HSD17B11: variants seen among roughly 807,000 people sequenced by gnomAD.
HSD17B11 encodes hydroxysteroid 17-beta dehydrogenase 11, also known as estradiol 17-beta-dehydrogenase 11.
A neutral mutation model predicts 27.8 loss-of-function variants in HSD17B11; 22 were observed. The observed-to-expected ratio is 0.79, with a 90% CI of 0.56 to 1.13. The LOEUF is 1.13. HSD17B11 is among the 50% of genes most tolerant of loss of function. The pLI is 0.00. For synonymous variants in HSD17B11, 117 were observed against 132.8 expected (o/e 0.88, Z 0.82); for missense variants, 314 against 351.1 (o/e 0.89, Z 0.84).
chr4:87,372,700 T>C lies in HSD17B11; in HGVS notation c.557+9A>G, dbSNP rs1735743330. 6.5e-7 allele frequency: 1 copy of C among 1,548,504 alleles called. No individual in the cohort carries two copies. Among genetic ancestry groups the C allele is most frequent in the East Asian group, 2.2e-5 (1 of 44,670 alleles). On this transcript the variant is annotated intron_variant, in intron 4 of 6. Coordinates refer to ENST00000358290, the MANE Select transcript of HSD17B11 (RefSeq NM_016245.5). Reference sequence around the variant, plus strand: ...TAAGAACCAATGAAGGAAACACATGTTCACATACCAGTAAGCCAGTAAGAA... The same window carrying C: ...TAAGAACCAATGAAGGAAACACATGCTCACATACCAGTAAGCCAGTAAGAA...
rs914448507 is a variant in HSD17B11 at position 87,340,470 on chromosome 4, G to T, written c.812+20C>A. 6 of 1,447,664 alleles carry T rather than the reference G, an allele frequency of 4.1e-6. No individual in the cohort carries two copies. Among genetic ancestry groups the T allele is most frequent in the Non-Finnish European group, 5.7e-6 (6 of 1,047,962 alleles). 89.7% of individuals were successfully genotyped at this position (1,447,664 alleles called of 1,614,324 possible). ...TGTTATTTTACCTTTCATTTCTAAG[G>T]TTTCTTAACTGTCACTTACCTTTCC... On this transcript the variant is annotated intron_variant, in intron 6 of 6. Transcript: ENST00000358290.
intron 1 of HSD17B11, among the ~76,000 whole-genome samples, chr4:87,385,495 GA>G (rs1720286359): frequency 1.3e-5 from 2 of 152,058 alleles, no homozygotes; most frequent in Admixed American, 1.3e-4. Context: ...AATTTCTGGA[GA>G]GAAATAGAAG....
intron 2 of HSD17B11, among the ~76,000 whole-genome samples, chr4:87,379,721 T>C (rs1720079254): frequency 6.9e-6 from 1 of 144,392 alleles, no homozygotes; most frequent in Non-Finnish European, 1.5e-5. Context: ...TATATAATAA[T>C]AGTATATACT....
chr4:87,363,700 A>G (rs1476048809), intron 4 of HSD17B11, among the ~76,000 whole-genome samples: 1 of 152,200 alleles, frequency 6.6e-6, no homozygotes, highest in Non-Finnish European at 1.5e-5. Context: ...TGCAAGCTCA[A>G]AATTAACTAA....
At chr4:87,369,309 T>G (rs980608921) in intron 4 of HSD17B11, among the ~76,000 whole-genome samples, 4 of 152,196 alleles carry the variant, frequency 2.6e-5, no homozygotes, top group Admixed American at 6.5e-5. Flanking sequence ...AGTGAGTAGA[T>G]TTTTGCCCCC....
chr4:87,378,913 TATATAAATATATATAAATATA>T (rs1720032408), intron 2 of HSD17B11, among the ~76,000 whole-genome samples: 2 of 13,844 alleles, frequency 1.4e-4, no homozygotes, highest in Non-Finnish European at 2.2e-4. Context: ...TAAATATATA[TATATAAATATATATAAATATA>T]TATATATATA....
intron 2 of HSD17B11, among the ~76,000 whole-genome samples, chr4:87,379,542 TATATAC>T (rs1720071475): frequency 6.8e-6 from 1 of 146,610 alleles, no homozygotes; most frequent in South Asian, 2.1e-4. Flanking sequence ...TATACAGCAT[TATATAC>T]ATATACATCT....
At chr4:87,389,516 A>T (rs1001336490) in intron 1 of HSD17B11, among the ~76,000 whole-genome samples, 1 of 152,154 alleles carries the variant, frequency 6.6e-6, no homozygotes, top group Non-Finnish European at 1.5e-5. Flanking sequence ...GAGCCACCGC[A>T]TCCAGCCTGC....
At chr4:87,375,467 T>G (rs1265841997) in intron 2 of HSD17B11, among the ~76,000 whole-genome samples, 1 of 152,152 alleles carries the variant, frequency 6.6e-6, no homozygotes, top group African/African-American at 2.4e-5. Context: ...TTAGGCTGGG[T>G]GCGGTGGCTC....
In HSD17B11 at chr4:87,378,923, TATATAA is replaced by T. The variant is rs1193872743; in HGVS notation, c.318+3326_318+3331del. Among the ~76,000 whole-genome samples the T allele has an allele frequency of 4.6e-3, 57 of 12,416 alleles. 1 individual carries two copies. Among genetic ancestry groups the T allele is most frequent in the East Asian group, 0.033 (14 of 418 alleles). The allele number at this position is 12,416 out of a possible 152,430, so 8.1% of individuals were successfully genotyped here. A position where few individuals can be genotyped will look rare whatever the true frequency, so the allele number is the denominator to read the frequency against. Reference sequence around the variant, plus strand: ...ATATATAAATATATATATATAAATATATATAAATATATATATATATATATTTATATA... The same window carrying T: ...ATATATAAATATATATATATAAATATATATATATATATATATATTTATATA... On this transcript the variant is annotated intron_variant, in intron 2 of 6. Transcript: ENST00000358290.
At position 87,379,853 on chromosome 4, in the gene HSD17B11, TATGTA is replaced by T. The variant is rs1560770160; in HGVS notation, c.318+2397_318+2401del. Among the ~76,000 whole-genome samples, 673 of 144,364 alleles carry T rather than the reference TATGTA, an allele frequency of 4.7e-3. 5 individuals carry two copies. The highest frequency in any genetic ancestry group is 0.016 in the African/African-American group (629 of 39,364). The allele number at this position is 144,364 out of a possible 152,430, so 94.7% of individuals were successfully genotyped here. A position where few individuals can be genotyped will look rare whatever the true frequency, so the allele number is the denominator to read the frequency against. ...TATGTATTATACTATTATATATGTA[TATGTA>T]TATGTATTATACTATTAATTATTAT... is the stretch of plus-strand genomic sequence containing the variant. On this transcript the variant is annotated intron_variant, in intron 2 of 6. Coordinates refer to ENST00000358290, the MANE Select transcript of HSD17B11 (RefSeq NM_016245.5).
chr4:87,357,381 G>A lies in HSD17B11; in HGVS notation c.593C>T (p.Thr198Ile). 1 of 1,613,560 alleles carries A rather than the reference G, an allele frequency of 6.2e-7. No individual in the cohort carries two copies. The highest frequency in any genetic ancestry group is 8.5e-7 in the Non-Finnish European group (1 of 1,179,830). ...TAAGGCAGCCAGTTCATCTGTCAAA[G>A]TTTTATGAAATCCAACAGCAGCAAA... ...SKFAAVGFHK[T>I]LTDELAALQI... The change falls in exon 5 of 7, where the codon ACT becomes ATT. Residue 198 changes from threonine (T) to isoleucine (I), a missense_variant. Transcript: ENST00000358290.
intron 5 of HSD17B11, among the ~76,000 whole-genome samples, chr4:87,344,224 C>A (rs1735225297): frequency 6.6e-6 from 1 of 152,142 alleles, no homozygotes; most frequent in Admixed American, 6.6e-5. Flanking sequence ...CTGTGACACA[C>A]ACATACAAAC....
chr4:87,391,132 T>G lies in HSD17B11; in HGVS notation c.-62A>C. On this transcript the variant is annotated 5_prime_UTR_variant, in exon 1 of 7. Transcript: ENST00000358290. ...TTTTTTTTACCACTCTAAACTGCTT[T>G]TAGAGGGTAGCTCGATCTAACACCA... 7.8e-7 allele frequency: 1 copy of G among 1,285,292 alleles called. No individual in the cohort carries two copies. The allele number at this position is 1,285,292 out of a possible 1,614,324, so 79.6% of individuals were successfully genotyped here.
chr4:87,371,184 AAAT>A (rs1257189160), intron 4 of HSD17B11, among the ~76,000 whole-genome samples: 1 of 152,172 alleles, frequency 6.6e-6, no homozygotes, highest in Non-Finnish European at 1.5e-5. Flanking sequence ...TGTCATTCGT[AAAT>A]AATATTTTTA....
At chr4:87,358,446 G>C (rs1380378415) in intron 4 of HSD17B11, among the ~76,000 whole-genome samples, 3 of 152,062 alleles carry the variant, frequency 2.0e-5, no homozygotes, top group Non-Finnish European at 4.4e-5. Flanking sequence ...TTTGGAAGTA[G>C]TAGTGAAATT....
chr4:87,369,246 A>G (rs1735664768), intron 4 of HSD17B11, among the ~76,000 whole-genome samples: 1 of 152,184 alleles, frequency 6.6e-6, no homozygotes, highest in African/African-American at 2.4e-5. Flanking sequence ...CATATTTTTC[A>G]ACTTTATGGT....
At chr4:87,347,407 G>C (rs1578034942) in intron 5 of HSD17B11, among the ~76,000 whole-genome samples, 1 of 11,876 alleles carries the variant, frequency 8.4e-5, no homozygotes, top group Non-Finnish European at 1.6e-4. Flanking sequence ...AGTTTACTGA[G>C]AATGATGGTT....
chr4:87,375,843 CTG>C (rs1459716102), intron 2 of HSD17B11, among the ~76,000 whole-genome samples: 15 of 140,832 alleles, frequency 1.1e-4, no homozygotes, highest in African/African-American at 3.8e-4. Context: ...CTATTTATTT[CTG>C]TTTATTTTCT....
Sources: allele counts gnomAD v4.1 joint callset (sites outside exome capture counted in the v4.1 genomes callset), GRCh38; gene constraint gnomAD v4.1.1; transcripts MANE v1.5; gene names NCBI Gene and HGNC (gene_info 2026-07-23, HGNC 2026-07-21).